The following GALK2 variants were observed in gnomAD, a reference collection of about 807,000 sequenced individuals.
GALK2 encodes N-acetylgalactosamine kinase.
A neutral mutation model predicts 52.4 loss-of-function variants in GALK2; 36 were observed. That is an observed-to-expected ratio of 0.69 (90% CI 0.53 to 0.91). The LOEUF is 0.91. Ranked by LOEUF, GALK2 falls within the 40% of genes least tolerant of loss-of-function variation. The probability of loss-of-function intolerance (pLI) is 0.00; values close to 1 mark genes in which losing one functional copy is unlikely to be tolerated. For missense variants in GALK2, 579 were observed against 559.1 expected, an observed-to-expected ratio of 1.04 and a Z score of -0.36; for synonymous variants, 176 against 199.1, an observed-to-expected ratio of 0.88 and a Z score of 0.98.
intron 5 of GALK2, among the ~76,000 whole-genome samples, chr15:49,247,702 A>AG (rs1319320609): frequency 6.6e-6 from 1 of 152,212 alleles, no homozygotes; most frequent in Non-Finnish European, 1.5e-5. Flanking sequence ...AAGCACTGGG[A>AG]GGGGCCCAAG....
Position 49,330,515 on chromosome 15 carries a change from A to G in GALK2, c.*2356A>G, listed in dbSNP as rs1176417140. On this transcript the variant is annotated 3_prime_UTR_variant, in exon 10 of 10. Coordinates refer to ENST00000560031, the MANE Select transcript of GALK2 (RefSeq NM_002044.4). ...TTGTCCAACATTTCTACAGGGCATCAATGAACTAGGGCTGAGATAGTAGCT... is the reference window on the plus strand; with the variant it reads ...TTGTCCAACATTTCTACAGGGCATCGATGAACTAGGGCTGAGATAGTAGCT... 6.6e-6 allele frequency: 1 copy of G among 152,172 alleles called. No individual in the cohort carries two copies. The highest frequency in any genetic ancestry group is 2.4e-5 in the African/African-American group (1 of 41,426). The allele number at this position is 152,172 out of a possible 1,614,324, so 9.4% of individuals were successfully genotyped here.
chr15:49,327,903 C>A, intron 9 of GALK2, 49 bp from the exon 10 acceptor site: 1 of 1,557,798 alleles, frequency 6.4e-7, no homozygotes, highest in Non-Finnish European at 8.7e-7. Flanking sequence ...AAGCAAATCC[C>A]TTGTATTTTC....
chr15:49,249,939 G>A (rs532148730), intron 5 of GALK2, among the ~76,000 whole-genome samples: 5 of 152,100 alleles, frequency 3.3e-5, no homozygotes, highest in Admixed American at 2.0e-4. Flanking sequence ...TCGTCTGCCC[G>A]TGCCTCTTTT....
chr15:49,362,595 T>C (rs2044430335), intron 3 of GALK2, among the ~76,000 whole-genome samples: 1 of 152,220 alleles, frequency 6.6e-6, no homozygotes, highest in Non-Finnish European at 1.5e-5. Context: ...TGTTGATAGG[T>C]CTTTTGCTGC....
chr15:49,162,966 G>T (rs2084702794), intron 1 of GALK2, among the ~76,000 whole-genome samples: 1 of 152,186 alleles, frequency 6.6e-6, no homozygotes, highest in South Asian at 2.1e-4. Context: ...TAGTAATATT[G>T]TTACGCAGAA....
At chr15:49,275,821 C>G (rs2031562162) in intron 5 of GALK2, among the ~76,000 whole-genome samples, 1 of 152,152 alleles carries the variant, frequency 6.6e-6, no homozygotes, top group African/African-American at 2.4e-5. Flanking sequence ...ATTAGATTCT[C>G]TATTAAATTG....
chr15:49,210,339 G>A (rs1029419553), intron 2 of GALK2, among the ~76,000 whole-genome samples: 1 of 151,062 alleles, frequency 6.6e-6, no homozygotes, highest in Non-Finnish European at 1.5e-5. Flanking sequence ...ACTAATTTTG[G>A]ATTTGGATTG....
intron 1 of GALK2, among the ~76,000 whole-genome samples, chr15:49,172,821 T>A (rs183997726): frequency 4.6e-5 from 7 of 152,368 alleles, no homozygotes; most frequent in African/African-American, 1.7e-4. Flanking sequence ...TTCTTAGCAG[T>A]TGTATCTCTT....
intron 1 of GALK2, among the ~76,000 whole-genome samples, chr15:49,184,527 T>A (rs779376417): frequency 6.6e-6 from 1 of 152,222 alleles, no homozygotes; most frequent in Non-Finnish European, 1.5e-5. Context: ...TATGGTGTTC[T>A]TGTTGTTTTG....
intron 8 of GALK2, among the ~76,000 whole-genome samples, chr15:49,298,748 G>A (rs2034704451): frequency 1.3e-5 from 2 of 152,154 alleles, no homozygotes; most frequent in African/African-American, 2.4e-5. Context: ...TTGCATCCAA[G>A]GAATGAAGGC....
upstream of GALK2, chr15:49,170,039 C>T (rs1000453973): frequency 6.3e-6 from 3 of 477,736 alleles, no homozygotes; most frequent in African/African-American, 1.9e-5. Flanking sequence ...ACGTGCTCTG[C>T]GCAGGGGCTC....
intron 4 of GALK2, among the ~76,000 whole-genome samples, 196 bp downstream of exon 4, chr15:49,236,137 TTTTTATACAGCTGGC>T (rs1201296905): frequency 6.6e-6 from 1 of 152,234 alleles, no homozygotes; most frequent in Non-Finnish European, 1.5e-5. Flanking sequence ...GCAGTAGTGG[TTTTTATACAGCTGGC>T]TGTTCATAAA....
Position 49,329,517 on chromosome 15 carries a change from G to A in GALK2, c.*1358G>A, listed in dbSNP as rs2151127110. 1 of 985,314 alleles carries A rather than the reference G, an allele frequency of 1.0e-6. No individual in the cohort carries two copies. Among genetic ancestry groups the A allele is most frequent in the Non-Finnish European group, 1.2e-6 (1 of 829,866 alleles). The allele number at this position is 985,314 out of a possible 1,614,324, so 61.0% of individuals were successfully genotyped here. A position where few individuals can be genotyped will look rare whatever the true frequency, so the allele number is the denominator to read the frequency against. On this transcript the variant is annotated 3_prime_UTR_variant, in exon 10 of 10. Transcript: ENST00000560031. ...TAGAATTTCAGTTTAAGGGAGGCCT[G>A]CGCAAAGCTAGTTTTATTTCTTAAA...
chr15:49,257,198 T>C (rs1361793217), intron 5 of GALK2, among the ~76,000 whole-genome samples: 1 of 152,198 alleles, frequency 6.6e-6, no homozygotes, highest in African/African-American at 2.4e-5. Flanking sequence ...GCCTAGTTGC[T>C]AATAGGCTTT....
Position 49,331,672 on chromosome 15 carries a change from C to T in GALK2, c.*3513C>T. ...AGTAACAAGAATGTATCCTCTCCTGCCACTGTAATTTGGGTGTGCCACCAT... is the reference window on the plus strand; with the variant it reads ...AGTAACAAGAATGTATCCTCTCCTGTCACTGTAATTTGGGTGTGCCACCAT... On this transcript the variant is annotated 3_prime_UTR_variant, in exon 10 of 10. Coordinates refer to ENST00000560031, the MANE Select transcript of GALK2 (RefSeq NM_002044.4). 2.9e-6 allele frequency: 2 copies of T among 697,096 alleles called. No individual in the cohort carries two copies. The highest frequency in any genetic ancestry group is 4.5e-5 in the Admixed American group (2 of 44,074). 43.2% of individuals were successfully genotyped at this position (697,096 alleles called of 1,614,324 possible).
At chr15:49,316,649 G>C (rs996857860) in intron 8 of GALK2, among the ~76,000 whole-genome samples, 1 of 151,304 alleles carries the variant, frequency 6.6e-6, no homozygotes, top group Non-Finnish European at 1.5e-5. Flanking sequence ...GAAAAATCAA[G>C]GGCAAAAAAA....
intron 9 of GALK2, among the ~76,000 whole-genome samples, chr15:49,321,466 A>G (rs951657053): frequency 1.3e-5 from 2 of 152,226 alleles, no homozygotes; most frequent in Non-Finnish European, 2.9e-5. Flanking sequence ...TGCAAGGAAG[A>G]CTTAGATAAT....
chr15:49,209,714 T>C (rs776533685), intron 2 of GALK2, among the ~76,000 whole-genome samples: 2 of 152,226 alleles, frequency 1.3e-5, no homozygotes, highest in Non-Finnish European at 2.9e-5. Context: ...AATCTTTTTA[T>C]GGGCTCTTGG....
chr15:49,296,991 C>G, intron 8 of GALK2, among the ~76,000 whole-genome samples: 1 of 152,198 alleles, frequency 6.6e-6, no homozygotes, highest in Non-Finnish European at 1.5e-5. Context: ...GTTTTAAGTT[C>G]TTTGAGAAAT....
Sources: allele counts gnomAD v4.1 joint callset (sites outside exome capture counted in the v4.1 genomes callset), GRCh38; gene constraint gnomAD v4.1.1; transcripts MANE v1.5; gene names NCBI Gene and HGNC (gene_info 2026-07-23, HGNC 2026-07-21).